The following FREM2 variants were observed in gnomAD, a reference collection of about 807,000 sequenced individuals.
FREM2 encodes FRAS1 related extracellular matrix 2.
Under a neutral mutation model 219.9 loss-of-function variants are expected in FREM2, and 119 were observed. The ratio of observed to expected loss-of-function variants is 0.54; its 90% confidence interval spans 0.47 to 0.63. The LOEUF (loss-of-function observed/expected upper bound fraction) is 0.63, where lower values mean the gene tolerates loss of function less well. FREM2 is among the 30% of genes least tolerant of loss of function. The pLI is 0.00. For missense variants in FREM2, 4,030 were observed against 3,993.6 expected, an observed-to-expected ratio of 1.01 and a Z score of -0.25; for synonymous variants, 1,562 against 1,522.8, an observed-to-expected ratio of 1.03 and a Z score of -0.60.
At chr13:38,849,354 C>T (rs1430671142) in intron 8 of FREM2, among the ~76,000 whole-genome samples, 1 of 152,198 alleles carries the variant, frequency 6.6e-6, no homozygotes, top group Non-Finnish European at 1.5e-5. Context: ...TGGAACTGCA[C>T]AGACTCCTGA....
Position 38,872,830 on chromosome 13 carries a change from G to T in FREM2, c.8072G>T (p.Trp2691Leu), listed in dbSNP as rs1331742149. 2 of 1,614,022 alleles carry T rather than the reference G, an allele frequency of 1.2e-6. No homozygotes were observed. Among genetic ancestry groups the T allele is most frequent in the South Asian group, 1.1e-5 (1 of 91,084 alleles). Residue 2691 changes from tryptophan to leucine, a missense_variant, in exon 17 of 24, where the codon TGG (tryptophan) becomes TTG (leucine). Around this residue, in one of 2 missense-constraint regions of FREM2, gnomAD observed 928 missense variants for 1,042.9 expected, o/e 0.89. Transcript: ENST00000280481. ...CATTCCCCCGTGGGGGTAGGAGGCTGGCAGCATTTTGACTTGAAGTCAGAG... is the reference window on the plus strand; with the variant it reads ...CATTCCCCCGTGGGGGTAGGAGGCTTGCAGCATTTTGACTTGAAGTCAGAG... ...VFHSPVGVGG[W>L]QHFDLKSELR...
At position 38,881,095 on chromosome 13, in the gene FREM2, T is replaced by G. The variant is rs1878530746; in HGVS notation, c.*308T>G. ...CTCTATGCAGTGGAGATAAATCTATTAAAAGGTGCTAACAGACTCTCTTAC... is the reference window on the plus strand; with the variant it reads ...CTCTATGCAGTGGAGATAAATCTATGAAAAGGTGCTAACAGACTCTCTTAC... On this transcript the variant is annotated 3_prime_UTR_variant, in exon 24 of 24. Coordinates refer to ENST00000280481, the MANE Select transcript of FREM2 (RefSeq NM_207361.6). 2.4e-6 allele frequency: 1 copy of G among 424,534 alleles called. No individual in the cohort carries two copies. 26.3% of individuals were successfully genotyped at this position (424,534 alleles called of 1,614,324 possible).
At chr13:38,722,219 T>C (rs753582519) in intron 2 of FREM2, among the ~76,000 whole-genome samples, 1 of 152,048 alleles carries the variant, frequency 6.6e-6, no homozygotes, top group Non-Finnish European at 1.5e-5. Context: ...CCCTTCCTTT[T>C]TAAAAAAACA....
At chr13:38,815,887 C>A (rs1875745578) in intron 6 of FREM2, among the ~76,000 whole-genome samples, 1 of 152,140 alleles carries the variant, frequency 6.6e-6, no homozygotes, top group African/African-American at 2.4e-5. Flanking sequence ...TACCCATAAC[C>A]CAAACACTTC....
At chr13:38,812,200 A>G (rs1208097031) in intron 6 of FREM2, among the ~76,000 whole-genome samples, 1 of 152,056 alleles carries the variant, frequency 6.6e-6, no homozygotes, top group East Asian at 1.9e-4. Context: ...TAAGTGAAGT[A>G]TGTTTCTTAT....
intron 6 of FREM2, among the ~76,000 whole-genome samples, chr13:38,810,579 T>C (rs943836252): frequency 7.9e-5 from 12 of 152,140 alleles, no homozygotes; most frequent in Middle Eastern, 3.2e-3. Context: ...AAAAAACATA[T>C]GGTTTTTATC....
chr13:38,873,764 T>A (rs936744282), intron 17 of FREM2, among the ~76,000 whole-genome samples: 2 of 152,240 alleles, frequency 1.3e-5, no homozygotes, highest in African/African-American at 4.8e-5. Flanking sequence ...ACCTCAAATG[T>A]AAATCTACTC....
chr13:38,694,459 G>C (rs1195120351), intron 1 of FREM2, among the ~76,000 whole-genome samples: 1 of 152,190 alleles, frequency 6.6e-6, no homozygotes, highest in African/African-American at 2.4e-5. Flanking sequence ...TTAAAAAACG[G>C]AGAAAGCGCC....
intron 4 of FREM2, among the ~76,000 whole-genome samples, chr13:38,773,859 T>C (rs1045224012): frequency 1.3e-5 from 2 of 152,122 alleles, no homozygotes; most frequent in Non-Finnish European, 2.9e-5. Flanking sequence ...TTAAACCTTA[T>C]GTTTATAACT....
chr13:38,770,138 A>T (rs1368367390), intron 4 of FREM2, among the ~76,000 whole-genome samples: 1 of 147,844 alleles, frequency 6.8e-6, no homozygotes, highest in African/African-American at 2.4e-5. Flanking sequence ...CTTTTATTTT[A>T]TGTATATAAA....
chr13:38,689,948 C>T lies in FREM2; in HGVS notation c.2604C>T (p.Leu868=), dbSNP rs1869739529. The change falls in exon 1 of 24, where the codon CTC becomes CTT. Residue 868 remains leucine (L), a synonymous_variant. Transcript: ENST00000280481. ...DTDVAHISFT[L]TQAPKHGHMR... ...ATGTTGCCCATATCTCTTTCACTCT[C>T]ACTCAGGCACCCAAACATGGCCACA... 1.2e-6 allele frequency: 2 copies of T among 1,614,192 alleles called. No individual in the cohort carries two copies. Among genetic ancestry groups the T allele is most frequent in the Non-Finnish European group, 1.7e-6 (2 of 1,180,036 alleles).
chr13:38,725,543 C>T (rs1484948422), intron 2 of FREM2, among the ~76,000 whole-genome samples: 1 of 152,164 alleles, frequency 6.6e-6, no homozygotes, highest in Non-Finnish European at 1.5e-5. Context: ...AATTGGGCAC[C>T]TGTTCTTTGT....
intron 14 of FREM2, 92 bp from the exon 15 acceptor site, chr13:38,861,339 C>T (rs1356826212): frequency 7.4e-7 from 1 of 1,343,798 alleles, no homozygotes; most frequent in East Asian, 2.3e-5. Context: ...TGAAAGTACA[C>T]AGAAAAATAA....
In FREM2 at chr13:38,866,622, G is replaced by A. The variant is rs553901407; in HGVS notation, c.7983+2016G>A. On this transcript the variant is annotated intron_variant, in intron 16 of 23. Coordinates refer to ENST00000280481, the MANE Select transcript of FREM2 (RefSeq NM_207361.6). Reference sequence around the variant, plus strand: ...GCGGAGGTTGTGGTGAGCCGAGATCGCGCCATTGCACTCCAGCCTGGGCAA... The same window carrying A: ...GCGGAGGTTGTGGTGAGCCGAGATCACGCCATTGCACTCCAGCCTGGGCAA... Among the ~76,000 whole-genome samples the A allele has an allele frequency of 2.3e-3, 339 of 149,406 alleles. 3 individuals are homozygous for A. Among genetic ancestry groups the A allele is most frequent in the African/African-American group, 5.9e-3 (239 of 40,418 alleles).
intron 6 of FREM2, among the ~76,000 whole-genome samples, chr13:38,823,685 A>T (rs1463910537): frequency 1.3e-5 from 2 of 152,076 alleles, no homozygotes; most frequent in Non-Finnish European, 2.9e-5. Context: ...AAATAATAAT[A>T]ATAATAACTT....
In FREM2 at chr13:38,691,592, C is replaced by T; in HGVS notation, c.4248C>T (p.Ser1416=). The change falls in exon 1 of 24, where the codon AGC becomes AGT. Residue 1416 remains serine, a synonymous_variant. Coordinates refer to ENST00000280481, the MANE Select transcript of FREM2 (RefSeq NM_207361.6). The part of the protein sequence containing the change: ...IDRYFYVSIG[S]IDIVFPDVIS... ...GTTACTTTTATGTGTCCATCGGGAGCATTGACATTGTCTTCCCTGATGTGA... is the reference window on the plus strand; with the variant it reads ...GTTACTTTTATGTGTCCATCGGGAGTATTGACATTGTCTTCCCTGATGTGA... 1 of 1,614,090 alleles carries T rather than the reference C, an allele frequency of 6.2e-7. No homozygotes were observed. Among genetic ancestry groups the T allele is most frequent in the Non-Finnish European group, 8.5e-7 (1 of 1,180,008 alleles).
In FREM2 at chr13:38,783,203, G is replaced by C; in HGVS notation, c.5767+8G>C. On this transcript the variant is annotated splice_region_variant and intron_variant, in intron 5 of 23. Transcript: ENST00000280481. ...TCTGTTATACCCAACAAGGTAGCTC[G>C]ATTTGCCGAAAAACTAAGATAACCC... 5.0e-6 allele frequency: 8 copies of C among 1,613,988 alleles called. No individual in the cohort carries two copies. The highest frequency in any genetic ancestry group is 6.8e-6 in the Non-Finnish European group (8 of 1,179,906).
At chr13:38,754,336 A>G (rs968866337) in intron 2 of FREM2, among the ~76,000 whole-genome samples, 1 of 152,158 alleles carries the variant, frequency 6.6e-6, no homozygotes, top group Non-Finnish European at 1.5e-5. Context: ...AGGGAAACTC[A>G]CTCGGATGAC....
intron 6 of FREM2, among the ~76,000 whole-genome samples, chr13:38,840,625 A>AATATATATATATATATAT (rs66795118): frequency 7.1e-4 from 96 of 135,126 alleles, no homozygotes; most frequent in African/African-American, 2.9e-3. Flanking sequence ...ATAAAACTAA[A>AATATATATATATATATAT]ATATATATAT....
Sources: gnomAD v4.1 joint callset for allele counts (sites outside exome capture counted in the v4.1 genomes callset) on GRCh38, gnomAD v4.1.1 for gene constraint, gnomAD v4.1.1 regional missense constraint, MANE v1.5 for transcripts, NCBI Gene and HGNC (gene_info 2026-07-23, HGNC 2026-07-21) for gene names.